The following BUD23 variants were observed in gnomAD, a reference collection of about 807,000 sequenced individuals.
The protein encoded by BUD23 is 18S rRNA (guanine-N(7))-methyltransferase.
In BUD23, 34 loss-of-function variants were observed where a neutral mutation model predicts 47.0. That is an observed-to-expected ratio of 0.72 (90% CI 0.55 to 0.96). The LOEUF (loss-of-function observed/expected upper bound fraction) is 0.96. BUD23 is among the 40% of genes least tolerant of loss of function. BUD23 has a pLI of 0.00. For synonymous variants in BUD23, 124 were observed against 132.0 expected (o/e 0.94, Z 0.41); for missense variants, 343 against 361.2 (o/e 0.95, Z 0.41).
intron 5 of BUD23, among the ~76,000 whole-genome samples, chr7:73,690,207 G>A (rs1392829834): frequency 6.6e-6 from 1 of 152,120 alleles, no homozygotes; most frequent in Non-Finnish European, 1.5e-5. Flanking sequence ...GTTTCACCGT[G>A]TTGGTCAGGC....
At chr7:73,697,360 C>G in intron 10 of BUD23, 2 of 1,403,988 alleles carry the variant, frequency 1.4e-6, no homozygotes, top group Non-Finnish European at 1.9e-6. Flanking sequence ...GTTTAGGTCT[C>G]CATGCCCGGC....
intron 11 of BUD23, 62 bp from the exon 12 acceptor site, chr7:73,697,770 G>C (rs548407773): frequency 6.0e-5 from 96 of 1,609,570 alleles, no homozygotes; most frequent in Non-Finnish European, 7.6e-5. Context: ...CCCTTTATTT[G>C]AAGGGTCCAG....
intron 5 of BUD23, among the ~76,000 whole-genome samples, chr7:73,690,217 C>T (rs1165659407): frequency 6.6e-6 from 1 of 152,126 alleles, no homozygotes; most frequent in East Asian, 1.9e-4. Flanking sequence ...GTTGGTCAGG[C>T]TGGTCTCGAA....
chr7:73,693,453 A>G lies in BUD23; in HGVS notation c.596+39A>G, dbSNP rs782290302. 6 of 1,609,938 alleles carry G rather than the reference A, an allele frequency of 3.7e-6. No individual in the cohort carries two copies. The African/African-American group carries it at 8.0e-5, about 22-fold the overall frequency. ...GCCGGTGTGCTGCCTGGGCTGCAGG[A>G]GGGAGGGTAGTGGCATAGCCCTTTC... On this transcript the variant is annotated intron_variant, in intron 8 of 11. Transcript: ENST00000265758.
intron 5 of BUD23, 29 bp from the exon 6 acceptor site, chr7:73,690,887 G>A (rs782035621): frequency 3.2e-5 from 51 of 1,600,642 alleles, no homozygotes; most frequent in Non-Finnish European, 3.9e-5. Context: ...GGATTGCTCC[G>A]TTGCCTGACT....
intron 5 of BUD23, among the ~76,000 whole-genome samples, chr7:73,688,624 C>T (rs1264782510): frequency 3.3e-5 from 5 of 152,234 alleles, no homozygotes; most frequent in Non-Finnish European, 7.3e-5. Flanking sequence ...TCGGGTTAAA[C>T]ATCCACATAG....
At chr7:73,697,242 G>A (rs918148494) in intron 10 of BUD23, 4 of 578,264 alleles carry the variant, frequency 6.9e-6, no homozygotes, top group Admixed American at 3.0e-5. Flanking sequence ...GTGAACTGTC[G>A]ACTGTGCTCT....
At chr7:73,689,874 A>G (rs1798122844) in intron 5 of BUD23, among the ~76,000 whole-genome samples, 1 of 152,128 alleles carries the variant, frequency 6.6e-6, no homozygotes, top group Admixed American at 6.6e-5. Flanking sequence ...AGCTGGTAGC[A>G]CTGAGCATTG....
intron 2 of BUD23, 58 bp downstream of exon 2, chr7:73,683,862 C>T: frequency 6.2e-7 from 1 of 1,613,938 alleles, no homozygotes; most frequent in South Asian, 1.1e-5. Flanking sequence ...CAAGTTGCCC[C>T]TGTTGCTGGC....
In BUD23 at chr7:73,698,100, T is replaced by C. The variant is rs1798502427; in HGVS notation, c.*214T>C. 9.3e-6 allele frequency: 2 copies of C among 214,402 alleles called. No homozygotes were observed. The highest frequency in any genetic ancestry group is 2.6e-5 in the African/African-American group (1 of 37,852). 13.3% of individuals were successfully genotyped at this position (214,402 alleles called of 1,614,324 possible). A position where few individuals can be genotyped will look rare whatever the true frequency, so the allele number is the denominator to read the frequency against. On this transcript the variant is annotated 3_prime_UTR_variant, in exon 12 of 12. Coordinates refer to ENST00000265758, the MANE Select transcript of BUD23 (RefSeq NM_017528.5). ...CATTTGAGGCCAGGAGTTTGAGACCTGCCTGGGCAACATAATGAAACTTCC... is the reference window on the plus strand; with the variant it reads ...CATTTGAGGCCAGGAGTTTGAGACCCGCCTGGGCAACATAATGAAACTTCC...
rs1327192070 is a variant in BUD23 at position 73,686,873 on chromosome 7, G to C, written c.238G>C (p.Gly80Arg). The C allele has an allele frequency of 1.2e-6, 2 of 1,614,038 alleles. No individual in the cohort carries two copies. Among genetic ancestry groups the C allele is most frequent in the Non-Finnish European group, 1.7e-6 (2 of 1,180,030 alleles). The change falls in exon 4 of 12, where the codon GGC becomes CGC. Residue 80 changes from glycine to arginine, a missense_variant. Transcript: ENST00000265758. ...GTCAGATGAAGGGCACTATTGGGTG[G>C]GCCTGGATATCAGCCCTGCCATGCT... The part of the protein sequence containing the change: ...YLSDEGHYWV[G>R]LDISPAMLDE...
intron 10 of BUD23, 149 bp from the exon 11 acceptor site, chr7:73,697,456 T>G (rs1798455325): frequency 6.5e-7 from 1 of 1,541,772 alleles, no homozygotes; most frequent in Admixed American, 2.0e-5. Flanking sequence ...AGCGGGGAAT[T>G]GTGTTATAGG....
At chr7:73,683,700 CT>C (rs1554612131) in intron 1 of BUD23, 27 bp downstream of exon 1, 2 of 1,613,842 alleles carry the variant, frequency 1.2e-6, no homozygotes, top group Non-Finnish European at 8.5e-7. Flanking sequence ...GCGGACACCC[CT>C]CTCCCCACTT....
At chr7:73,693,233 T>C in intron 7 of BUD23, 96 bp from the exon 8 acceptor site, 1 of 1,167,472 alleles carries the variant, frequency 8.6e-7, no homozygotes, top group Non-Finnish European at 1.3e-6. Flanking sequence ...GCAGGATTTG[T>C]CCTGGAGCAG....
intron 10 of BUD23, chr7:73,694,649 C>G (rs1798328129): frequency 6.6e-6 from 1 of 152,604 alleles, no homozygotes; most frequent in Non-Finnish European, 1.5e-5. Context: ...TTCCATCAAG[C>G]CACATCTGGT....
intron 2 of BUD23, among the ~76,000 whole-genome samples, chr7:73,686,317 T>C (rs1212623064): frequency 2.0e-5 from 3 of 152,214 alleles, no homozygotes; most frequent in Admixed American, 6.5e-5. Flanking sequence ...CCCAGCCTAA[T>C]AGAGTTGCAG....
chr7:73,687,013 C>G lies in BUD23; in HGVS notation c.280C>G (p.Arg94Gly), dbSNP rs556844425. ...SPAMLDEAVD[R>G]EIEGDLLLGD... is the part of the protein sequence containing the mutation. ...CTCTAATGTAGATGAGGCTGTGGAC[C>G]GAGAGATAGAGGGAGACCTGCTGCT... The change falls in exon 5 of 12, where the codon CGA (arginine) becomes GGA (glycine). Residue 94 changes from arginine (R) to glycine (G), a missense_variant. Coordinates refer to ENST00000265758, the MANE Select transcript of BUD23 (RefSeq NM_017528.5). The G allele has an allele frequency of 6.2e-7, 1 of 1,614,128 alleles. No homozygotes were observed.
At position 73,686,890 on chromosome 7, in the gene BUD23, T is replaced by G. The variant is rs1797995537; in HGVS notation, c.255T>G (p.Pro85=). ...ATTGGGTGGGCCTGGATATCAGCCC[T>G]GCCATGCTGGGTAAGTATGTCCTGT... ...GHYWVGLDIS[P]AMLDEAVDRE... is the part of the protein sequence containing the mutation. Residue 85 remains proline, a synonymous_variant, in exon 4 of 12, where the codon CCT becomes CCG. Transcript: ENST00000265758. The G allele has an allele frequency of 6.2e-7, 1 of 1,614,100 alleles. No homozygotes were observed. Among genetic ancestry groups the G allele is most frequent in the African/African-American group, 1.3e-5 (1 of 74,926 alleles).
rs1358615010 is a variant in BUD23 at position 73,693,549 on chromosome 7, G to A, written c.597-75G>A. 12 of 1,604,628 alleles carry A rather than the reference G, an allele frequency of 7.5e-6. No individual in the cohort carries two copies. In the South Asian group the frequency reaches 1.1e-4, roughly 15 times the overall value. On this transcript the variant is annotated intron_variant, in intron 8 of 11. Transcript: ENST00000265758. ...GGTCCAGGCAGGCGGAGGGGGTGCG[G>A]GTGGGGGAGCTGAGGGCTTGTCTCC... is the stretch of plus-strand genomic sequence containing the variant.
Sources: gnomAD v4.1 joint callset for allele counts (sites outside exome capture counted in the v4.1 genomes callset) on GRCh38, gnomAD v4.1.1 for gene constraint, MANE v1.5 for transcripts, NCBI Gene and HGNC (gene_info 2026-07-23, HGNC 2026-07-21) for gene names.